C1orf141: variants seen among roughly 807,000 people sequenced by gnomAD.
The protein encoded by C1orf141 is uncharacterized protein C1orf141.
Under a neutral mutation model 23.2 loss-of-function variants are expected in C1orf141, and 19 were observed. The observed-to-expected ratio is 0.82, with a 90% CI of 0.57 to 1.20. The LOEUF (loss-of-function observed/expected upper bound fraction) is 1.20. Among genes scored for constraint, C1orf141 ranks in the 50% most tolerant of loss-of-function variants. The pLI, the probability that C1orf141 is intolerant of heterozygous loss-of-function variation, is 0.00. For missense variants in C1orf141, 469 were observed against 455.1 expected, an observed-to-expected ratio of 1.03 and a Z score of -0.28; for synonymous variants, 153 against 154.6, an observed-to-expected ratio of 0.99 and a Z score of 0.08.
intron 5 of C1orf141, among the ~76,000 whole-genome samples, chr1:67,108,464 G>T (rs551850282): frequency 6.6e-6 from 1 of 152,210 alleles, no homozygotes; most frequent in South Asian, 2.1e-4. Flanking sequence ...GAATTTTGAG[G>T]GTACACATTC....
intron 4 of C1orf141, 68 bp downstream of exon 4, chr1:67,125,684 T>C: frequency 4.2e-6 from 6 of 1,442,794 alleles, no homozygotes; most frequent in Non-Finnish European, 5.8e-6. Context: ...AGGCAATGAG[T>C]GAGTCCTTGT....
chr1:67,101,451 T>A (rs1157404571), intron 5 of C1orf141, among the ~76,000 whole-genome samples: 2 of 142,960 alleles, frequency 1.4e-5, no homozygotes, highest in African/African-American at 5.2e-5. Context: ...AATGTAAGAG[T>A]GTGTGTGTGT....
intron 1 of C1orf141, among the ~76,000 whole-genome samples, chr1:67,141,083 A>C (rs1222014966): frequency 6.6e-6 from 1 of 152,210 alleles, no homozygotes; most frequent in East Asian, 1.9e-4. Flanking sequence ...ATACGTAATA[A>C]CATAGGAAAA....
intron 5 of C1orf141, among the ~76,000 whole-genome samples, chr1:67,111,210 A>C (rs1176954062): frequency 2.6e-5 from 4 of 152,138 alleles, no homozygotes; most frequent in African/African-American, 9.6e-5. Context: ...ACTCAAAAAA[A>C]GGTCTTGGTT....
chr1:67,139,936 G>T (rs1216587506), upstream of C1orf141, among the ~76,000 whole-genome samples: 1 of 152,152 alleles, frequency 6.6e-6, no homozygotes, highest in Non-Finnish European at 1.5e-5. Context: ...ATTATCATGG[G>T]AGTGGGATTG....
chr1:67,115,847 T>A (rs1244393976), intron 4 of C1orf141, among the ~76,000 whole-genome samples: 1 of 152,206 alleles, frequency 6.6e-6, no homozygotes, highest in Non-Finnish European at 1.5e-5. Flanking sequence ...CTAGAAAGGA[T>A]CACAGCATTT....
At chr1:67,113,819 GATTA>G in intron 5 of C1orf141, 1 of 617,886 alleles carries the variant, frequency 1.6e-6, no homozygotes, top group Non-Finnish European at 2.6e-6. Flanking sequence ...AAGGCCAGGT[GATTA>G]GTAACAGCCC....
intron 2 of C1orf141, among the ~76,000 whole-genome samples, chr1:67,130,860 A>G (rs1646503361): frequency 6.6e-6 from 1 of 152,214 alleles, no homozygotes; most frequent in African/African-American, 2.4e-5. Context: ...CTTTTCTCCC[A>G]TCGGTCTTTG....
At position 67,093,432 on chromosome 1, in the gene C1orf141, C is replaced by T. The variant is rs755444340; in HGVS notation, c.776G>A (p.Gly259Asp). 2 of 1,610,862 alleles carry T rather than the reference C, an allele frequency of 1.2e-6. No individual in the cohort carries two copies. The highest frequency in any genetic ancestry group is 2.2e-5 in the South Asian group (2 of 90,742). ...RNCEILKSII[G>D]NQSISLFKPQ... is the part of the protein sequence containing the mutation. ...TTTGAAAAGAGAAATAGATTGATTG[C>T]CAATTATAGATTTGAGGATTTCACA... Residue 259 changes from glycine (G) to aspartate (D), a missense_variant, in exon 8 of 8, where the codon GGC becomes GAC. Transcript: ENST00000684719.
At chr1:67,114,810 G>C (rs572794300) in intron 5 of C1orf141, among the ~76,000 whole-genome samples, 1 of 152,222 alleles carries the variant, frequency 6.6e-6, no homozygotes, top group South Asian at 2.1e-4. Context: ...TGAGTAGCTG[G>C]GATTACAGGC....
chr1:67,132,277 C>A (rs536526778), intron 1 of C1orf141, among the ~76,000 whole-genome samples: 1 of 151,884 alleles, frequency 6.6e-6, no homozygotes, highest in Admixed American at 6.6e-5. Context: ...CCCAGCACTT[C>A]AGGAAGCTGA....
chr1:67,137,771 C>T (rs1646598629), upstream of C1orf141, among the ~76,000 whole-genome samples: 1 of 152,244 alleles, frequency 6.6e-6, no homozygotes, highest in Non-Finnish European at 1.5e-5. Context: ...ACTTTCTTTT[C>T]TTTGGGCAAG....
intron 4 of C1orf141, among the ~76,000 whole-genome samples, chr1:67,120,839 C>T (rs949698230): frequency 1.3e-5 from 2 of 152,126 alleles, no homozygotes; most frequent in African/African-American, 4.8e-5. Flanking sequence ...GAGGTAGTAA[C>T]TGTGTTTGGG....
intron 1 of C1orf141, among the ~76,000 whole-genome samples, chr1:67,141,229 T>A (rs1646634652): frequency 6.6e-6 from 1 of 152,218 alleles, no homozygotes; most frequent in South Asian, 2.1e-4. Flanking sequence ...AAGATAGTTA[T>A]CTTAGGGTGG....
rs755796301 is a variant in C1orf141, at chr1:67,095,416, T to G, written c.422A>C (p.Lys141Thr). The change falls in exon 7 of 8, where the codon AAA becomes ACA. Residue 141 changes from lysine (K) to threonine (T), a missense_variant. By Grantham distance (78) the Lys-to-Thr change is moderately conservative. Transcript: ENST00000684719. ...LLEGDRNKRK[K>T]SPQMNDFNIK... ...ATTAAAATCGTTCATCTGTGGAGAT[T>G]TTTTTCTGAAAATAAACACAGTTCA... is the stretch of plus-strand genomic sequence containing the variant. 2.3e-5 allele frequency: 35 copies of G among 1,517,404 alleles called. No homozygotes were observed. The highest frequency in any genetic ancestry group is 3.1e-5 in the Non-Finnish European group (35 of 1,120,674). The allele number at this position is 1,517,404 out of a possible 1,614,324, so 94.0% of individuals were successfully genotyped here. A position where few individuals can be genotyped will look rare whatever the true frequency, so the allele number is the denominator to read the frequency against.
At chr1:67,127,726 C>T (rs1385990383) in intron 2 of C1orf141, among the ~76,000 whole-genome samples, 2 of 152,024 alleles carry the variant, frequency 1.3e-5, no homozygotes, top group African/African-American at 4.8e-5. Flanking sequence ...CCTCCACCTC[C>T]TGGGTTCAAG....
At chr1:67,140,443 A>T (rs1646626118) in intron 1 of C1orf141, among the ~76,000 whole-genome samples, 1 of 152,192 alleles carries the variant, frequency 6.6e-6, no homozygotes. Context: ...CCTACAAATG[A>T]TCATTAATTA....
intron 1 of C1orf141, among the ~76,000 whole-genome samples, chr1:67,133,747 G>A (rs1570742214): frequency 1.3e-5 from 2 of 152,272 alleles, no homozygotes; most frequent in African/African-American, 4.8e-5. Context: ...TCGTTGTGAA[G>A]ATTCAGTGAG....
rs546193987 is a variant in C1orf141 at position 67,097,722 on chromosome 1, G to A, written c.347-1401C>T. On this transcript the variant is annotated intron_variant, in intron 5 of 7. Transcript: ENST00000684719. The stretch of plus-strand genomic sequence containing the variant: ...ATGGTCTGTGGGGAGAAGGGGGAAT[G>A]TGGGTGGCAAGAGCAGCAATGGAGT... Among the ~76,000 whole-genome samples the A allele has an allele frequency of 3.6e-4, 52 of 145,884 alleles. 1 individual carries two copies. The highest frequency in any genetic ancestry group is 1.8e-3 in the Admixed American group (26 of 14,100).
Sources: allele counts gnomAD v4.1 joint callset (sites outside exome capture counted in the v4.1 genomes callset), GRCh38; gene constraint gnomAD v4.1.1; transcripts MANE v1.5; gene names NCBI Gene and HGNC (gene_info 2026-07-23, HGNC 2026-07-21).